Variants in TMC7 observed in about 807,000 individuals in gnomAD.
TMC7 encodes the protein transmembrane channel like 7.
TMC7 carries 54 observed loss-of-function variants against 82.9 expected under a neutral mutation model. The ratio of observed to expected loss-of-function variants is 0.65; its 90% confidence interval spans 0.52 to 0.82. The LOEUF (loss-of-function observed/expected upper bound fraction) is 0.82. TMC7 is among the 40% of genes least tolerant of loss of function. The probability of loss-of-function intolerance (pLI) is 0.00; values close to 1 mark genes in which losing one functional copy is unlikely to be tolerated. For synonymous variants in TMC7, 350 were observed against 337.9 expected (o/e 1.04, Z -0.39); for missense variants, 820 against 901.2 (o/e 0.91, Z 1.15).
chr16:19,016,525 G>C lies in TMC7; in HGVS notation c.387G>C (p.Lys129Asn). 6.2e-7 allele frequency: 1 copy of C among 1,614,188 alleles called. No homozygotes were observed. Among genetic ancestry groups the C allele is most frequent in the Non-Finnish European group, 8.5e-7 (1 of 1,180,024 alleles). The change falls in exon 3 of 16, where the codon AAG (lysine) becomes AAC (asparagine). Residue 129 changes from lysine (K) to asparagine (N), a missense_variant. Transcript: ENST00000304381. The stretch of plus-strand genomic sequence containing the variant: ...AGCGGTATAGCAGCAAGTCTTGGAA[G>C]AGGTTCCTAGAGAAGGCTCGAGAGA... ...QWKRYSSKSWKRFLEKAREMT... is the reference protein window; with the variant it reads ...QWKRYSSKSWNRFLEKAREMT...
chr16:19,022,034 G>T (rs1046319235), intron 4 of TMC7, among the ~76,000 whole-genome samples: 8 of 151,998 alleles, frequency 5.3e-5, no homozygotes, highest in African/African-American at 1.9e-4. Context: ...AACCACAAAG[G>T]TTCATTTCTC....
chr16:19,060,206 T>C (rs1961943358), intron 15 of TMC7, among the ~76,000 whole-genome samples: 1 of 152,016 alleles, frequency 6.6e-6, no homozygotes, highest in Admixed American at 6.6e-5. Context: ...AGGTGATTTT[T>C]TTTTATTTTT....
At chr16:18,992,063 G>A (rs2038961731) in intron 1 of TMC7, among the ~76,000 whole-genome samples, 1 of 152,176 alleles carries the variant, frequency 6.6e-6, no homozygotes, top group Non-Finnish European at 1.5e-5. Flanking sequence ...ACATACGTGT[G>A]CATGTGTCTT....
chr16:19,005,565 C>A (rs1157631536), intron 1 of TMC7, among the ~76,000 whole-genome samples: 2 of 152,190 alleles, frequency 1.3e-5, no homozygotes, highest in Admixed American at 6.5e-5. Context: ...GCTGTGGTCT[C>A]TCCTGGGGTG....
chr16:19,059,624 T>C (rs756379513), intron 15 of TMC7, 130 bp downstream of exon 15: 9 of 1,584,586 alleles, frequency 5.7e-6, no homozygotes, highest in Non-Finnish European at 6.8e-6. Flanking sequence ...CCCAAAACTC[T>C]GCCTTGAGGC....
intron 9 of TMC7, among the ~76,000 whole-genome samples, chr16:19,043,582 A>C (rs746898143): frequency 1.7e-4 from 26 of 151,862 alleles, no homozygotes; most frequent in Non-Finnish European, 3.7e-4. Flanking sequence ...TTATTTATTT[A>C]TTTCTGAGAT....
chr16:19,034,610 A>ATAAG (rs1177413850), intron 6 of TMC7, among the ~76,000 whole-genome samples: 3 of 118,852 alleles, frequency 2.5e-5, no homozygotes, highest in East Asian at 4.3e-4. Context: ...AAATAAATAA[A>ATAAG]TAAGTAAATA....
chr16:19,035,303 T>C (rs1052205337), intron 6 of TMC7, among the ~76,000 whole-genome samples: 2 of 152,104 alleles, frequency 1.3e-5, no homozygotes, highest in African/African-American at 4.8e-5. Flanking sequence ...GAGGCAAGGA[T>C]TGAAGAACTA....
At chr16:19,029,876 C>A (rs1287342374) in intron 5 of TMC7, among the ~76,000 whole-genome samples, 3 of 152,134 alleles carry the variant, frequency 2.0e-5, no homozygotes, top group Admixed American at 6.6e-5. Flanking sequence ...CCAGGCCCAG[C>A]TAATTTTTTT....
chr16:18,984,574 G>A, intron 1 of TMC7: 8 of 986,072 alleles, frequency 8.1e-6, no homozygotes, highest in Non-Finnish European at 9.7e-6. Flanking sequence ...ATTGCTGTGG[G>A]ACCTTTGGTA....
chr16:19,048,410 T>C (rs1396179864), intron 12 of TMC7, among the ~76,000 whole-genome samples: 2 of 152,118 alleles, frequency 1.3e-5, no homozygotes, highest in African/African-American at 4.8e-5. Flanking sequence ...TTAACCTCTT[T>C]TTTCTTTCTT....
chr16:19,050,168 G>A (rs1446661120), intron 12 of TMC7, among the ~76,000 whole-genome samples: 3 of 151,680 alleles, frequency 2.0e-5, no homozygotes, highest in South Asian at 2.1e-4. Flanking sequence ...TCAGGAGATC[G>A]AGACCATCCT....
intron 1 of TMC7, among the ~76,000 whole-genome samples, chr16:19,001,893 T>C (rs2039147623): frequency 6.6e-6 from 1 of 152,156 alleles, no homozygotes; most frequent in African/African-American, 2.4e-5. Context: ...CTAATTCCCA[T>C]AGCAGCTGGT....
chr16:18,987,102 G>T (rs1312309957), intron 1 of TMC7, among the ~76,000 whole-genome samples: 1 of 152,070 alleles, frequency 6.6e-6, no homozygotes, highest in Non-Finnish European at 1.5e-5. Context: ...ACCGTACCCG[G>T]CCATAGAGCA....
rs77813921 is a variant in TMC7 at position 19,046,157 on chromosome 16, A to G, written c.1553+719A>G. ...GTTTTGCTGGGGATGACCTTCTGCC[A>G]TCAGCACAAAAGGTGCAGACCTTCC... On this transcript the variant is annotated intron_variant, in intron 11 of 15. Transcript: ENST00000304381. Among the ~76,000 whole-genome samples the G allele has an allele frequency of 7.1e-4, 108 of 152,306 alleles. 1 individual carries two copies. The highest frequency in any genetic ancestry group is 2.4e-3 in the African/African-American group (99 of 41,570).
At chr16:19,052,507 C>T (rs1337118364) in intron 13 of TMC7, among the ~76,000 whole-genome samples, 2 of 152,076 alleles carry the variant, frequency 1.3e-5, no homozygotes. Context: ...AATTTTGTTT[C>T]TTCACCTTTA....
At chr16:19,052,438 C>T (rs1020796402) in intron 13 of TMC7, among the ~76,000 whole-genome samples, 3 of 152,150 alleles carry the variant, frequency 2.0e-5, no homozygotes, top group Admixed American at 1.3e-4. Context: ...CTCAATGATC[C>T]TCTTGCTTCA....
chr16:19,058,841 C>A (rs779085103), intron 14 of TMC7, among the ~76,000 whole-genome samples: 3 of 151,988 alleles, frequency 2.0e-5, no homozygotes, highest in Non-Finnish European at 2.9e-5. Flanking sequence ...TAGCTGGGGA[C>A]TACAGGCTCA....
rs1959710205 is a variant in TMC7 at position 19,016,633 on chromosome 16, C to G, written c.460+35C>G. 1.9e-6 allele frequency: 3 copies of G among 1,602,650 alleles called. No individual in the cohort carries two copies. The African/African-American group carries it at 4.0e-5, about 21-fold the overall frequency. The stretch of plus-strand genomic sequence containing the variant: ...CCTCACCTCTCTGCAGGCTCCTCCG[C>G]AGAAGTCTGTGTCTGGGGAGCAAGT... On this transcript the variant is annotated intron_variant, in intron 3 of 15. Coordinates refer to ENST00000304381, the MANE Select transcript of TMC7 (RefSeq NM_024847.4).
Sources: allele counts gnomAD v4.1 joint callset (sites outside exome capture counted in the v4.1 genomes callset), GRCh38; gene constraint gnomAD v4.1.1; transcripts MANE v1.5; gene names NCBI Gene and HGNC (gene_info 2026-07-23, HGNC 2026-07-21).